DMC1: variants seen among roughly 807,000 people sequenced by gnomAD.
DMC1 encodes the protein DNA meiotic recombinase 1.
In DMC1, 27 loss-of-function variants were observed where a neutral mutation model predicts 50.1. The observed-to-expected ratio is 0.54, with a 90% CI of 0.40 to 0.74. DMC1 has a LOEUF of 0.74. Ranked by LOEUF, DMC1 falls within the 30% of genes least tolerant of loss-of-function variation. The pLI is 0.00. For synonymous variants in DMC1, 148 were observed against 136.1 expected, an observed-to-expected ratio of 1.09 and a Z score of -0.61; for missense variants, 295 against 420.2, an observed-to-expected ratio of 0.70 and a Z score of 2.60.
At chr22:38,567,885 T>C (rs148541691) in intron 2 of DMC1, among the ~76,000 whole-genome samples, 3 of 152,304 alleles carry the variant, frequency 2.0e-5, no homozygotes, top group Middle Eastern at 3.4e-3. Context: ...GAACAACATT[T>C]GAACTATTTT....
intron 4 of DMC1, among the ~76,000 whole-genome samples, chr22:38,564,119 T>C (rs1602776918): frequency 6.6e-6 from 1 of 152,084 alleles, no homozygotes; most frequent in African/African-American, 2.4e-5. Flanking sequence ...CAGTGAACTG[T>C]GATTGAGCCA....
chr22:38,555,314 G>C (rs752792342), intron 6 of DMC1, 43 bp downstream of exon 6: 1 of 1,230,980 alleles, frequency 8.1e-7, no homozygotes, highest in African/African-American at 1.5e-5. Flanking sequence ...GTATGTGTGT[G>C]TGTATAATAT....
Position 38,519,922 on chromosome 22 carries a change from G to A in DMC1, c.*98C>T. On this transcript the variant is annotated 3_prime_UTR_variant, in exon 14 of 14. Transcript: ENST00000216024. ...GCTGACTTTTCTTTAGTAACATGTG[G>A]GAAAAAACCTCTATTTCAAGATGTG... is the stretch of plus-strand genomic sequence containing the variant. The A allele has an allele frequency of 1.0e-6, 1 of 985,572 alleles. No individual in the cohort carries two copies. Among genetic ancestry groups the A allele is most frequent in the South Asian group, 1.3e-5 (1 of 77,110 alleles). The allele number at this position is 985,572 out of a possible 1,614,324, so 61.1% of individuals were successfully genotyped here.
At chr22:38,522,291 C>T (rs959940867) in intron 12 of DMC1, among the ~76,000 whole-genome samples, 8 of 150,184 alleles carry the variant, frequency 5.3e-5, no homozygotes, top group African/African-American at 9.8e-5. Context: ...CTCGGTGGCT[C>T]GTGCCTGTAA....
chr22:38,514,718 A>C (rs2089964344), downstream of DMC1, among the ~76,000 whole-genome samples: 1 of 151,942 alleles, frequency 6.6e-6, no homozygotes, highest in African/African-American at 2.4e-5. Context: ...CATGCTAGAC[A>C]CTCCCACCAG....
intron 4 of DMC1, among the ~76,000 whole-genome samples, chr22:38,564,586 C>G (rs140664383): frequency 6.6e-6 from 1 of 152,186 alleles, no homozygotes; most frequent in Non-Finnish European, 1.5e-5. Context: ...GCTGGGATTA[C>G]AGGCGTAAGC....
In DMC1 at chr22:38,552,652, T is replaced by C; in HGVS notation, c.421+14A>G. The stretch of plus-strand genomic sequence containing the variant: ...GCCATGATTATTATTGTTATTGTTG[T>C]TATATATCCTTACCACAGAGGGTAT... On this transcript the variant is annotated intron_variant, in intron 7 of 13. Transcript: ENST00000216024. 6.5e-7 allele frequency: 1 copy of C among 1,540,654 alleles called. No individual in the cohort carries two copies. Among genetic ancestry groups the C allele is most frequent in the Non-Finnish European group, 9.0e-7 (1 of 1,113,616 alleles).
At chr22:38,546,881 G>C (rs1368958221) in intron 8 of DMC1, among the ~76,000 whole-genome samples, 1 of 152,062 alleles carries the variant, frequency 6.6e-6, no homozygotes, top group African/African-American at 2.4e-5. Context: ...GCAAAATAAA[G>C]GCACTTTCAG....
intron 8 of DMC1, among the ~76,000 whole-genome samples, chr22:38,549,053 C>T (rs1015870379): frequency 6.6e-6 from 1 of 152,038 alleles, no homozygotes; most frequent in African/African-American, 2.4e-5. Context: ...ACTTCTTTTC[C>T]TTTTCTTTTT....
At chr22:38,516,234 A>G (rs1374983265), downstream of DMC1, among the ~76,000 whole-genome samples, 1 of 152,188 alleles carries the variant, frequency 6.6e-6, no homozygotes, top group Non-Finnish European at 1.5e-5. Context: ...CTGTTCTCCA[A>G]AGCAGGACAT....
chr22:38,558,547 T>A (rs1246913519), intron 5 of DMC1, among the ~76,000 whole-genome samples: 2 of 152,022 alleles, frequency 1.3e-5, no homozygotes, highest in Non-Finnish European at 2.9e-5. Context: ...AAACTCTGTC[T>A]CTACTAAAAA....
At chr22:38,526,830 G>A (rs1390220969) in intron 12 of DMC1, among the ~76,000 whole-genome samples, 1 of 152,088 alleles carries the variant, frequency 6.6e-6, no homozygotes, top group East Asian at 1.9e-4. Context: ...GAGAGAATGT[G>A]CTGGTCACAT....
chr22:38,535,306 A>AG (rs1272227555), intron 12 of DMC1, among the ~76,000 whole-genome samples: 6 of 152,044 alleles, frequency 3.9e-5, no homozygotes, highest in African/African-American at 1.4e-4. Flanking sequence ...CTCAAAAAAA[A>AG]AAAAAGAAAA....
At chr22:38,509,519 GT>G in the DMC1 span, among the ~76,000 whole-genome samples, 2 of 152,144 alleles carry the variant, frequency 1.3e-5, no homozygotes, top group Non-Finnish European at 2.9e-5. Context: ...TGACTTTTTA[GT>G]TTTGTCCTTT....
intron 5 of DMC1, among the ~76,000 whole-genome samples, chr22:38,560,009 C>G (rs920728288): frequency 6.6e-6 from 1 of 150,582 alleles, no homozygotes; most frequent in Non-Finnish European, 1.5e-5. Context: ...CAGAGCAAGA[C>G]TCCGTCTGAA....
intron 12 of DMC1, among the ~76,000 whole-genome samples, chr22:38,529,142 C>G (rs949473965): frequency 6.6e-6 from 1 of 152,164 alleles, no homozygotes; most frequent in African/African-American, 2.4e-5. Flanking sequence ...TCCCAAGTAG[C>G]TGGGACTACA....
chr22:38,515,677 C>T (rs887025125), downstream of DMC1, among the ~76,000 whole-genome samples: 6 of 151,022 alleles, frequency 4.0e-5, no homozygotes, highest in South Asian at 2.1e-4. Context: ...CGGGCGCCTG[C>T]AATCTCAGCT....
chr22:38,569,532 T>G (rs1021212366), intron 1 of DMC1: 3 of 152,206 alleles, frequency 2.0e-5, no homozygotes, highest in African/African-American at 7.2e-5. Context: ...TGGCTAGCTA[T>G]GAGTACCCCA....
At chr22:38,534,532 GTC>G (rs2090189484) in intron 12 of DMC1, among the ~76,000 whole-genome samples, 1 of 151,920 alleles carries the variant, frequency 6.6e-6, no homozygotes, top group African/African-American at 2.4e-5. Flanking sequence ...AAGAAACCCC[GTC>G]TCTACTAAAA....
Sources: gnomAD v4.1 joint callset for allele counts (sites outside exome capture counted in the v4.1 genomes callset) on GRCh38, gnomAD v4.1.1 for gene constraint, MANE v1.5 for transcripts, NCBI Gene and HGNC (gene_info 2026-07-23, HGNC 2026-07-21) for gene names.